GNAL: variants seen among roughly 807,000 people sequenced by gnomAD.
The protein encoded by GNAL is guanine nucleotide-binding protein G(olf) subunit alpha.
A neutral mutation model predicts 55.1 loss-of-function variants in GNAL; 18 were observed. That is an observed-to-expected ratio of 0.33 (90% confidence interval 0.23 to 0.48). The LOEUF is 0.48. Among genes scored for constraint, GNAL ranks in the 20% least tolerant of loss-of-function variants. GNAL has a pLI of 0.99. For missense variants in GNAL, 412 were observed against 614.1 expected (o/e 0.67, Z 3.48); for synonymous variants, 253 against 237.0 (o/e 1.07, Z -0.62).
chr18:11,869,725 C>G (rs2036350966), intron 9 of GNAL, among the ~76,000 whole-genome samples: 1 of 152,024 alleles, frequency 6.6e-6, no homozygotes, highest in African/African-American at 2.4e-5. Flanking sequence ...CCAGTCTGGG[C>G]AACATGTTGA....
intron 1 of GNAL, among the ~76,000 whole-genome samples, chr18:11,706,075 A>T (rs947652970): frequency 6.6e-6 from 1 of 151,918 alleles, no homozygotes; most frequent in African/African-American, 2.4e-5. Context: ...CCCATTTTTT[A>T]ATCCGGATAT....
At chr18:11,860,932 T>C (rs1292318389) in intron 5 of GNAL, among the ~76,000 whole-genome samples, 1 of 152,226 alleles carries the variant, frequency 6.6e-6, no homozygotes, top group Non-Finnish European at 1.5e-5. Context: ...TTAGTCAACA[T>C]GCTGAAGGGC....
At chr18:11,845,968 G>T (rs889247697) in intron 5 of GNAL, among the ~76,000 whole-genome samples, 1 of 152,044 alleles carries the variant, frequency 6.6e-6, no homozygotes, top group African/African-American at 2.4e-5. Flanking sequence ...TTGTTTCAGG[G>T]ATTTTTTAAG....
intron 1 of GNAL, among the ~76,000 whole-genome samples, chr18:11,693,872 A>G (rs1229514916): frequency 1.4e-5 from 1 of 71,066 alleles, no homozygotes; most frequent in Admixed American, 1.3e-4. Context: ...TTTTTTTTTT[A>G]GACAGGATCT....
rs968629819 is a variant in GNAL at position 11,824,817 on chromosome 18, C to G, written c.625-101C>G. The G allele has an allele frequency of 7.9e-6, 5 of 632,828 alleles. No homozygotes were observed. The African/African-American group carries it at 9.3e-5, about 12-fold the overall frequency. 39.2% of individuals were successfully genotyped at this position (632,828 alleles called of 1,614,324 possible). On this transcript the variant is annotated intron_variant, in intron 4 of 11. Coordinates refer to ENST00000334049, the MANE Select transcript of GNAL (RefSeq NM_182978.4). ...GACTTCCACAAAGAAAATCTGAATG[C>G]TACTTGCAAAAAACAGTTTTTGCAG...
intron 5 of GNAL, among the ~76,000 whole-genome samples, chr18:11,838,011 G>A (rs2035533721): frequency 6.6e-6 from 1 of 152,064 alleles, no homozygotes; most frequent in Non-Finnish European, 1.5e-5. Context: ...CGCACTGGTA[G>A]TCCCAGCTAC....
chr18:11,869,415 T>C (rs1244911665), intron 9 of GNAL, among the ~76,000 whole-genome samples: 1 of 151,812 alleles, frequency 6.6e-6, no homozygotes, highest in Admixed American at 6.6e-5. Flanking sequence ...AGTGCTGGGA[T>C]TACAGGCGTG....
chr18:11,851,302 T>C, intron 5 of GNAL: 1 of 562,738 alleles, frequency 1.8e-6, no homozygotes, highest in South Asian at 2.8e-5. Context: ...CCCTGGCGTC[T>C]TACGTCCCAC....
chr18:11,798,103 G>A (rs986751547), intron 4 of GNAL, among the ~76,000 whole-genome samples: 9 of 152,160 alleles, frequency 5.9e-5, no homozygotes, highest in Non-Finnish European at 8.8e-5. Context: ...CACGGTGGCT[G>A]TCTCCTATAG....
chr18:11,770,694 T>A (rs1009021780), intron 4 of GNAL, among the ~76,000 whole-genome samples: 7 of 152,160 alleles, frequency 4.6e-5, no homozygotes, highest in Non-Finnish European at 8.8e-5. Context: ...GAGGTTCCTA[T>A]CTCCATTTTC....
At chr18:11,803,127 C>T (rs139762597) in intron 4 of GNAL, among the ~76,000 whole-genome samples, 2 of 152,334 alleles carry the variant, frequency 1.3e-5, no homozygotes, top group African/African-American at 4.8e-5. Flanking sequence ...AGTGCACCTT[C>T]TGTGGCATAG....
At chr18:11,745,146 C>CCA (rs2032662238) in intron 1 of GNAL, among the ~76,000 whole-genome samples, 1 of 152,156 alleles carries the variant, frequency 6.6e-6, no homozygotes, top group South Asian at 2.1e-4. Context: ...TTTAATGTAT[C>CCA]CACCGTCTTG....
intron 5 of GNAL, among the ~76,000 whole-genome samples, chr18:11,849,519 A>G (rs546394549): frequency 1.3e-5 from 2 of 150,888 alleles, no homozygotes; most frequent in East Asian, 3.9e-4. Context: ...AAAAAAAAAA[A>G]AAGAAAGAAA....
intron 11 of GNAL, among the ~76,000 whole-genome samples, chr18:11,877,378 C>G (rs1400063868): frequency 6.6e-6 from 1 of 152,156 alleles, no homozygotes; most frequent in Non-Finnish European, 1.5e-5. Context: ...TTGCTGAAAC[C>G]CAGGAGGCGG....
At chr18:11,739,006 C>T (rs543008249) in intron 1 of GNAL, among the ~76,000 whole-genome samples, 2 of 152,202 alleles carry the variant, frequency 1.3e-5, no homozygotes, top group South Asian at 4.2e-4. Flanking sequence ...AGTGCATCAC[C>T]GAAGTACACG....
At chr18:11,780,756 C>T (rs1258496115) in intron 4 of GNAL, among the ~76,000 whole-genome samples, 2 of 152,098 alleles carry the variant, frequency 1.3e-5, no homozygotes, top group African/African-American at 2.4e-5. Flanking sequence ...TGAAAAAGCG[C>T]GGTAAGGTGA....
chr18:11,851,239 G>C (rs953985252), intron 5 of GNAL, among the ~76,000 whole-genome samples: 1 of 152,328 alleles, frequency 6.6e-6, no homozygotes. Context: ...GGAAGCGAGC[G>C]TTCCCCGCCG....
chr18:11,831,416 T>A (rs2035380926), intron 5 of GNAL, among the ~76,000 whole-genome samples: 1 of 151,982 alleles, frequency 6.6e-6, no homozygotes, highest in African/African-American at 2.4e-5. Flanking sequence ...CCACACACTC[T>A]CTCCAAGCCT....
chr18:11,747,975 C>T (rs193024837), intron 1 of GNAL, among the ~76,000 whole-genome samples: 3 of 152,264 alleles, frequency 2.0e-5, no homozygotes, highest in Non-Finnish European at 2.9e-5. Flanking sequence ...ACACTGGCAG[C>T]GGGCGCCACT....
Sources: gnomAD v4.1 joint callset for allele counts (sites outside exome capture counted in the v4.1 genomes callset) on GRCh38, gnomAD v4.1.1 for gene constraint, MANE v1.5 for transcripts, NCBI Gene and HGNC (gene_info 2026-07-23, HGNC 2026-07-21) for gene names.